Variants in KAZN observed in about 807,000 individuals in gnomAD.
The protein encoded by KAZN is kazrin, periplakin interacting protein.
A neutral mutation model predicts 87.4 loss-of-function variants in KAZN; 40 were observed. The ratio of observed to expected loss-of-function variants is 0.46; its 90% CI spans 0.36 to 0.60. KAZN has a LOEUF of 0.60. KAZN is among the 20% of genes least tolerant of loss of function. KAZN has a pLI of 0.00. For missense variants in KAZN, 898 were observed against 1,073.9 expected (o/e 0.84, Z 2.29); for synonymous variants, 466 against 458.3 (o/e 1.02, Z -0.22).
intron 2 of KAZN, among the ~76,000 whole-genome samples, chr1:14,270,327 T>C (rs557204294): frequency 6.6e-6 from 1 of 152,270 alleles, no homozygotes; most frequent in South Asian, 2.1e-4. Flanking sequence ...AAGTAGGATG[T>C]GTTATTATCA....
At chr1:14,708,235 C>G (rs994075034) in intron 1 of KAZN, among the ~76,000 whole-genome samples, 11 of 152,172 alleles carry the variant, frequency 7.2e-5, no homozygotes, top group Non-Finnish European at 1.6e-4. Context: ...CCCTGGAGAG[C>G]CCAAGTTTGC....
At chr1:14,520,634 C>G (rs976254769) in intron 2 of KAZN, among the ~76,000 whole-genome samples, 1 of 152,230 alleles carries the variant, frequency 6.6e-6, no homozygotes, top group Admixed American at 6.5e-5. Flanking sequence ...CAGGCAAGAG[C>G]TCAGCACAGC....
At chr1:15,067,076 G>A in intron 8 of KAZN, 4 of 985,702 alleles carry the variant, frequency 4.1e-6, no homozygotes, top group Non-Finnish European at 4.8e-6. Flanking sequence ...TTCTCCGAGG[G>A]GCCTCCAGCA....
intron 1 of KAZN, among the ~76,000 whole-genome samples, chr1:14,660,917 C>T (rs1639129609): frequency 1.3e-5 from 2 of 152,128 alleles, no homozygotes; most frequent in South Asian, 2.1e-4. Context: ...CTAATGGGCC[C>T]GTTCACCAGC....
At chr1:14,476,883 C>A (rs903316103) in intron 2 of KAZN, among the ~76,000 whole-genome samples, 1 of 152,180 alleles carries the variant, frequency 6.6e-6, no homozygotes, top group South Asian at 2.1e-4. Flanking sequence ...TGTTCTCCGA[C>A]TATACCAAGC....
At chr1:14,381,852 T>C (rs934206410) in intron 2 of KAZN, among the ~76,000 whole-genome samples, 1 of 152,056 alleles carries the variant, frequency 6.6e-6, no homozygotes, top group Non-Finnish European at 1.5e-5. Context: ...GAGAATGAAA[T>C]AAAGAGCATC....
At chr1:14,197,558 C>T (rs572866358) in intron 2 of KAZN, among the ~76,000 whole-genome samples, 1 of 151,840 alleles carries the variant, frequency 6.6e-6, no homozygotes, top group African/African-American at 2.4e-5. Context: ...CGTGGTGGCA[C>T]GTGCCTGTAA....
intron 8 of KAZN, among the ~76,000 whole-genome samples, chr1:15,080,175 G>C (rs189257038): frequency 1.1e-4 from 16 of 152,338 alleles, no homozygotes; most frequent in Admixed American, 9.2e-4. Flanking sequence ...ATGGGAAAAA[G>C]CACAAGTCTA....
chr1:14,393,979 C>T (rs1188204133), intron 2 of KAZN, among the ~76,000 whole-genome samples: 3 of 151,816 alleles, frequency 2.0e-5, no homozygotes, highest in Non-Finnish European at 1.5e-5. Context: ...TAGAGCTTTG[C>T]TGTTAAGGAT....
intron 1 of KAZN, among the ~76,000 whole-genome samples, chr1:14,176,961 C>T (rs1646091024): frequency 6.6e-6 from 1 of 152,046 alleles, no homozygotes; most frequent in African/African-American, 2.4e-5. Flanking sequence ...AGTTCGAGAC[C>T]AGCCTGGCCA....
At chr1:14,313,727 T>G (rs1378670754) in intron 2 of KAZN, among the ~76,000 whole-genome samples, 2 of 152,118 alleles carry the variant, frequency 1.3e-5, no homozygotes, top group Non-Finnish European at 2.9e-5. Flanking sequence ...CCCCATATTA[T>G]CTCCCCTTTA....
intron 8 of KAZN, among the ~76,000 whole-genome samples, chr1:15,091,889 C>T (rs1393440850): frequency 6.6e-6 from 1 of 152,040 alleles, no homozygotes; most frequent in Non-Finnish European, 1.5e-5. Context: ...CCATATTCTC[C>T]CCAGCACAGA....
chr1:14,696,989 TCTC>T (rs1462038995), intron 1 of KAZN, among the ~76,000 whole-genome samples: 1 of 151,420 alleles, frequency 6.6e-6, no homozygotes, highest in Non-Finnish European at 1.5e-5. Context: ...CAACAACCCT[TCTC>T]CTATGAAAAA....
intron 1 of KAZN, among the ~76,000 whole-genome samples, chr1:14,619,836 A>C (rs1463509700): frequency 6.6e-6 from 1 of 152,250 alleles, no homozygotes; most frequent in East Asian, 1.9e-4. Flanking sequence ...GATGATTTTA[A>C]GACTCATCCA....
At chr1:14,474,232 G>C (rs1668602549) in intron 2 of KAZN, among the ~76,000 whole-genome samples, 1 of 151,986 alleles carries the variant, frequency 6.6e-6, no homozygotes, top group African/African-American at 2.4e-5. Context: ...CTACACATAA[G>C]GGAGATAAGA....
intron 1 of KAZN, among the ~76,000 whole-genome samples, chr1:14,674,354 C>A (rs976629349): frequency 2.0e-5 from 3 of 152,206 alleles, no homozygotes; most frequent in Non-Finnish European, 4.4e-5. Flanking sequence ...GAACCATGAA[C>A]CAGCTCTGTT....
intron 13 of KAZN, among the ~76,000 whole-genome samples, chr1:15,104,508 G>A (rs138468153): frequency 6.6e-6 from 1 of 152,354 alleles, no homozygotes; most frequent in African/African-American, 2.4e-5. Context: ...CCACGTGCAG[G>A]TGGAGTGTAG....
intron 1 of KAZN, among the ~76,000 whole-genome samples, chr1:14,873,974 A>G (rs918811129): frequency 1.3e-5 from 2 of 152,214 alleles, no homozygotes; most frequent in African/African-American, 4.8e-5. Context: ...ATTTCTTGAA[A>G]TAGAGAAGAC....
At chr1:14,058,562 G>T (rs1292038913) in intron 1 of KAZN, among the ~76,000 whole-genome samples, 1 of 152,212 alleles carries the variant, frequency 6.6e-6, no homozygotes, top group East Asian at 1.9e-4. Context: ...GCATGCAACA[G>T]TAAATAAGGG....
Sources: gnomAD v4.1 joint callset for allele counts (sites outside exome capture counted in the v4.1 genomes callset) on GRCh38, gnomAD v4.1.1 for gene constraint, MANE v1.5 for transcripts, NCBI Gene and HGNC (gene_info 2026-07-23, HGNC 2026-07-21) for gene names.